The following FANCC variants were observed in gnomAD, a reference collection of about 807,000 sequenced individuals.
The protein encoded by FANCC is Fanconi anemia group C protein.
FANCC carries 55 observed loss-of-function variants against 71.3 expected under a neutral mutation model. That is an observed-to-expected ratio of 0.77 (90% CI 0.62 to 0.97). The LOEUF (loss-of-function observed/expected upper bound fraction) is 0.97, where lower values mean the gene tolerates loss of function less well. FANCC is among the 50% of genes least tolerant of loss of function. The pLI is 0.00. For missense variants in FANCC, 678 were observed against 670.9 expected (o/e 1.01, Z -0.12); for synonymous variants, 275 against 244.9 (o/e 1.12, Z -1.15).
At chr9:95,232,610 G>A (rs1479243209) in intron 4 of FANCC, among the ~76,000 whole-genome samples, 1 of 152,024 alleles carries the variant, frequency 6.6e-6, no homozygotes, top group Non-Finnish European at 1.5e-5. Flanking sequence ...AACCTTCAAA[G>A]AAATGTTTTT....
chr9:95,235,800 C>T (rs182285479), intron 4 of FANCC, among the ~76,000 whole-genome samples: 4 of 142,094 alleles, frequency 2.8e-5, no homozygotes, highest in Admixed American at 7.3e-5. Context: ...GCCAAGATTG[C>T]GCCATTGCAC....
intron 1 of FANCC, chr9:95,293,041 C>T (rs1834151938): frequency 6.3e-7 from 1 of 1,595,488 alleles, no homozygotes; most frequent in African/African-American, 1.3e-5. Flanking sequence ...TGTGCAAAAC[C>T]AGAAGTTATC....
intron 4 of FANCC, among the ~76,000 whole-genome samples, chr9:95,174,537 ATATATT>A (rs1205751509): frequency 3.3e-5 from 5 of 151,726 alleles, no homozygotes; most frequent in Non-Finnish European, 7.4e-5. Context: ...CATTATATAT[ATATATT>A]TTTTTTCTTC....
intron 6 of FANCC, 25 bp downstream of exon 6, chr9:95,171,054 G>T: frequency 6.3e-7 from 1 of 1,586,658 alleles, no homozygotes. Context: ...AACCTGAGAA[G>T]AAGGATGTTT....
At chr9:95,308,347 T>C (rs1430998751) in intron 1 of FANCC, among the ~76,000 whole-genome samples, 1 of 152,044 alleles carries the variant, frequency 6.6e-6, no homozygotes, top group Non-Finnish European at 1.5e-5. Flanking sequence ...GTTTGTGCAA[T>C]GGCCCAATCT....
At chr9:95,143,343 A>G (rs894426066) in intron 7 of FANCC, among the ~76,000 whole-genome samples, 2 of 152,134 alleles carry the variant, frequency 1.3e-5, no homozygotes, top group African/African-American at 4.8e-5. Context: ...TGTAAGCACG[A>G]CTGATTAAAT....
At chr9:95,240,776 A>T in intron 3 of FANCC, 33 bp from the exon 4 acceptor site, 1 of 1,282,420 alleles carries the variant, frequency 7.8e-7, no homozygotes, top group Non-Finnish European at 1.1e-6. Flanking sequence ...AGTTTTATCA[A>T]GCAGAAAAAA....
At chr9:95,222,162 CAAAAA>C (rs60764731) in intron 4 of FANCC, among the ~76,000 whole-genome samples, 1 of 70,638 alleles carries the variant, frequency 1.4e-5, no homozygotes, top group Middle Eastern at 7.5e-3. Flanking sequence ...GGCCCCATCT[CAAAAA>C]AAAAAAAAAA....
At chr9:95,112,029 A>G (rs2071983851) in intron 12 of FANCC, among the ~76,000 whole-genome samples, 1 of 152,188 alleles carries the variant, frequency 6.6e-6, no homozygotes. Flanking sequence ...AGGCAGAAAC[A>G]TGGGCTATTT....
chr9:95,131,430 T>C (rs1826896854), intron 8 of FANCC, among the ~76,000 whole-genome samples: 1 of 152,162 alleles, frequency 6.6e-6, no homozygotes, highest in African/African-American at 2.4e-5. Flanking sequence ...TCTCCCTTCA[T>C]CTCTGGCCAC....
chr9:95,290,905 G>T (rs1284434492), intron 1 of FANCC, among the ~76,000 whole-genome samples: 1 of 152,148 alleles, frequency 6.6e-6, no homozygotes, highest in African/African-American at 2.4e-5. Context: ...TTACCCCTGG[G>T]TTGTAAGGAT....
At chr9:95,240,114 G>A (rs890493562) in intron 4 of FANCC, among the ~76,000 whole-genome samples, 2 of 152,206 alleles carry the variant, frequency 1.3e-5, no homozygotes, top group African/African-American at 4.8e-5. Context: ...GACTAGCACA[G>A]TAGGTAGCCA....
At position 95,209,021 on chromosome 9, in the gene FANCC, C is replaced by T. The variant is rs1391448369; in HGVS notation, c.345+31628G>A. Among the ~76,000 whole-genome samples, 9 of 152,184 alleles carry T rather than the reference C, an allele frequency of 5.9e-5. No individual in the cohort carries two copies. In the East Asian group the frequency reaches 1.2e-3, roughly 20 times the overall value. On this transcript the variant is annotated intron_variant, in intron 4 of 14. Coordinates refer to ENST00000289081, the MANE Select transcript of FANCC (RefSeq NM_000136.3). ...ACTTGAAAGCAACCAAGATGACCTT[C>T]GGTAGGTGAATGGATAAGCTGTAAT...
At chr9:95,234,476 C>T (rs556180894) in intron 4 of FANCC, among the ~76,000 whole-genome samples, 1 of 152,284 alleles carries the variant, frequency 6.6e-6, no homozygotes, top group African/African-American at 2.4e-5. Flanking sequence ...AAACCTGACA[C>T]ACACATCCTA....
At chr9:95,178,068 T>C (rs925365486) in intron 4 of FANCC, among the ~76,000 whole-genome samples, 2 of 152,050 alleles carry the variant, frequency 1.3e-5, no homozygotes, top group African/African-American at 4.8e-5. Flanking sequence ...GCTCATCAAC[T>C]ATCACTAGTG....
At chr9:95,243,956 T>G (rs1353734804) in intron 3 of FANCC, among the ~76,000 whole-genome samples, 1 of 152,132 alleles carries the variant, frequency 6.6e-6, no homozygotes, top group African/African-American at 2.4e-5. Flanking sequence ...AGGGCATACC[T>G]CAACAGGAAA....
Position 95,148,231 on chromosome 9 carries a change from A to G in FANCC, c.686+1692T>C, listed in dbSNP as rs76215148. On this transcript the variant is annotated intron_variant, in intron 7 of 14. Coordinates refer to ENST00000289081, the MANE Select transcript of FANCC (RefSeq NM_000136.3). ...TAAAAAAGAATTCTGTACGGTGAAA[A>G]GGAAAGTGTGCATAAAGCACTTCTG... 2.9e-3 allele frequency among the ~76,000 whole-genome samples: 435 copies of G among 152,316 alleles called. 9 individuals carry two copies. The South Asian group carries it at 0.042, about 15-fold the overall frequency.
chr9:95,293,245 G>A, intron 1 of FANCC: 2 of 1,613,220 alleles, frequency 1.2e-6, no homozygotes. Context: ...AAGTGGCTTT[G>A]CTTAAACTAC....
intron 6 of FANCC, among the ~76,000 whole-genome samples, chr9:95,163,938 T>C (rs1830909345): frequency 6.6e-6 from 1 of 152,260 alleles, no homozygotes; most frequent in Non-Finnish European, 1.5e-5. Context: ...ATGTCTTATT[T>C]AATTTCTTTT....
Sources: allele counts gnomAD v4.1 joint callset (sites outside exome capture counted in the v4.1 genomes callset), GRCh38; gene constraint gnomAD v4.1.1; transcripts MANE v1.5; gene names NCBI Gene and HGNC (gene_info 2026-07-23, HGNC 2026-07-21).